The following CCDC178 variants were observed in gnomAD, a reference collection of about 807,000 sequenced individuals.
The protein encoded by CCDC178 is coiled-coil domain containing 178, also known as coiled-coil domain-containing protein 178.
Under a neutral mutation model 117.4 loss-of-function variants are expected in CCDC178, and 126 were observed. The observed-to-expected ratio is 1.07, with a 90% CI of 0.93 to 1.24. CCDC178 has a LOEUF of 1.24. CCDC178 is among the 50% of genes most tolerant of loss of function. CCDC178 has a pLI of 0.00. For synonymous variants in CCDC178, 283 were observed against 313.4 expected (o/e 0.90, Z 1.02); for missense variants, 1,030 against 986.9 (o/e 1.04, Z -0.59).
At chr18:33,047,099 ACAC>A (rs2056658139) in intron 21 of CCDC178, among the ~76,000 whole-genome samples, 1 of 152,204 alleles carries the variant, frequency 6.6e-6, no homozygotes, top group African/African-American at 2.4e-5. Context: ...ATAATGGTAC[ACAC>A]AACTGTCTCC....
At chr18:33,056,926 A>G (rs1289111219) in intron 21 of CCDC178, among the ~76,000 whole-genome samples, 1 of 146,200 alleles carries the variant, frequency 6.8e-6, no homozygotes, top group African/African-American at 2.5e-5. Flanking sequence ...TGATGTTGGA[A>G]TTGCTGGTGT....
At chr18:33,361,291 CA>C (rs1555692524) in intron 6 of CCDC178, among the ~76,000 whole-genome samples, 1 of 151,544 alleles carries the variant, frequency 6.6e-6, no homozygotes, top group Non-Finnish European at 1.5e-5. Flanking sequence ...TTTCTATCAC[CA>C]ACAGAATGAA....
At chr18:33,210,255 A>G (rs1395699087) in intron 20 of CCDC178, among the ~76,000 whole-genome samples, 3 of 152,060 alleles carry the variant, frequency 2.0e-5, no homozygotes, top group African/African-American at 7.2e-5. Flanking sequence ...CAGACAAAAG[A>G]CAGGTATAAA....
intron 12 of CCDC178, among the ~76,000 whole-genome samples, chr18:33,270,124 AT>A (rs1183713115): frequency 6.6e-6 from 1 of 151,678 alleles, no homozygotes; most frequent in East Asian, 1.9e-4. Flanking sequence ...TCAACAGCAT[AT>A]TTGAGTAGGC....
chr18:33,356,225 G>A (rs899552574), intron 7 of CCDC178, 99 bp downstream of exon 7: 14 of 1,212,474 alleles, frequency 1.2e-5, no homozygotes, highest in African/African-American at 7.9e-5. Context: ...TCTTGCATTC[G>A]ATTTTCTATT....
chr18:33,399,766 T>C (rs1276900548), intron 3 of CCDC178, among the ~76,000 whole-genome samples: 2 of 152,192 alleles, frequency 1.3e-5, no homozygotes, highest in Non-Finnish European at 2.9e-5. Context: ...TCCAGGAGAC[T>C]TGGAAGCAAC....
chr18:33,045,613 T>A (rs1027097854), intron 21 of CCDC178, among the ~76,000 whole-genome samples: 2 of 152,234 alleles, frequency 1.3e-5, no homozygotes, highest in Non-Finnish European at 2.9e-5. Flanking sequence ...TTCATCTGTA[T>A]AAATTCTGAT....
intron 21 of CCDC178, among the ~76,000 whole-genome samples, chr18:32,977,015 T>G (rs897001709): frequency 2.0e-5 from 3 of 152,072 alleles, no homozygotes; most frequent in Admixed American, 2.0e-4. Context: ...GAGATTAGAT[T>G]TTTGCTATTT....
At chr18:33,200,165 T>C (rs754133615) in intron 20 of CCDC178, among the ~76,000 whole-genome samples, 6 of 152,244 alleles carry the variant, frequency 3.9e-5, no homozygotes, top group Non-Finnish European at 7.3e-5. Context: ...ATGTAATCAA[T>C]GACAGTGAAC....
chr18:33,258,926 C>T (rs988936236), intron 14 of CCDC178, among the ~76,000 whole-genome samples: 19 of 151,976 alleles, frequency 1.3e-4, no homozygotes, highest in Non-Finnish European at 2.5e-4. Context: ...ACAAGTTACA[C>T]GTAGTATACT....
intron 10 of CCDC178, among the ~76,000 whole-genome samples, chr18:33,324,066 A>G (rs1461369113): frequency 6.6e-6 from 1 of 151,872 alleles, no homozygotes; most frequent in East Asian, 1.9e-4. Context: ...CTAATATCTT[A>G]GTGTAATACT....
intron 12 of CCDC178, among the ~76,000 whole-genome samples, chr18:33,283,977 C>T (rs1477827725): frequency 6.6e-6 from 1 of 152,188 alleles, no homozygotes; most frequent in African/African-American, 2.4e-5. Context: ...CAGCACTATT[C>T]ACAATAGCAA....
intron 20 of CCDC178, among the ~76,000 whole-genome samples, chr18:33,117,093 A>T (rs977991942): frequency 6.6e-6 from 1 of 152,084 alleles, no homozygotes; most frequent in Non-Finnish European, 1.5e-5. Flanking sequence ...TGGTTAGAAA[A>T]TTGATGAAAA....
At chr18:33,297,456 G>T (rs2062120040) in intron 11 of CCDC178, among the ~76,000 whole-genome samples, 1 of 151,766 alleles carries the variant, frequency 6.6e-6, no homozygotes, top group South Asian at 2.1e-4. Flanking sequence ...AAAAAGGGAA[G>T]ACCCAAAAAC....
intron 15 of CCDC178, among the ~76,000 whole-genome samples, chr18:33,228,440 G>A (rs1056117652): frequency 4.6e-5 from 7 of 152,166 alleles, no homozygotes; most frequent in Non-Finnish European, 7.3e-5. Context: ...GTGTGGCTTG[G>A]AAAGAACTGC....
At chr18:33,211,800 C>T in intron 20 of CCDC178, 96 bp downstream of exon 20, 4 of 938,534 alleles carry the variant, frequency 4.3e-6, no homozygotes, top group South Asian at 3.2e-5. Context: ...ATCTTAACAC[C>T]CTTGCTACTT....
intron 21 of CCDC178, among the ~76,000 whole-genome samples, chr18:33,086,425 T>TATAC (rs1555640149): frequency 1.3e-3 from 198 of 147,924 alleles, no homozygotes; most frequent in African/African-American, 4.8e-3. Context: ...TAAATATATA[T>TATAC]ACACACACAC....
chr18:33,189,762 T>C (rs1405204588), intron 20 of CCDC178, among the ~76,000 whole-genome samples: 2 of 152,190 alleles, frequency 1.3e-5, no homozygotes, highest in Non-Finnish European at 2.9e-5. Context: ...TTGAATTATG[T>C]TATTATCAAC....
At chr18:33,320,866 AGCATGGTACTG>A (rs2062499161) in intron 11 of CCDC178, among the ~76,000 whole-genome samples, 2 of 152,254 alleles carry the variant, frequency 1.3e-5, no homozygotes, top group South Asian at 4.1e-4. Context: ...TAACCAAAAC[AGCATGGTACTG>A]GTACCAAAAC....
Sources: allele counts gnomAD v4.1 joint callset (sites outside exome capture counted in the v4.1 genomes callset), GRCh38; gene constraint gnomAD v4.1.1; transcripts MANE v1.5; gene names NCBI Gene and HGNC (gene_info 2026-07-23, HGNC 2026-07-21).